C11orf58: variants seen among roughly 807,000 people sequenced by gnomAD.
The protein encoded by C11orf58 is small acidic protein.
Under a neutral mutation model 22.7 loss-of-function variants are expected in C11orf58, and 5 were observed. The observed-to-expected ratio is 0.22, with a 90% CI of 0.12 to 0.46. C11orf58 has a LOEUF of 0.46. C11orf58 is among the 20% of genes least tolerant of loss of function. The pLI, the probability that C11orf58 is intolerant of heterozygous loss-of-function variation, is 0.99. For synonymous variants in C11orf58, 71 were observed against 70.7 expected, an observed-to-expected ratio of 1.00 and a Z score of -0.02; for missense variants, 151 against 223.3, an observed-to-expected ratio of 0.68 and a Z score of 2.06.
intron 1 of C11orf58, among the ~76,000 whole-genome samples, chr11:16,743,297 C>A (rs562788644): frequency 1.3e-5 from 2 of 152,290 alleles, no homozygotes; most frequent in East Asian, 3.9e-4. Flanking sequence ...AAAACACTCA[C>A]ACCTCCTTTT....
intron 1 of C11orf58, 33 bp downstream of exon 1, chr11:16,738,874 A>AG: frequency 6.2e-7 from 1 of 1,613,104 alleles, no homozygotes; most frequent in Middle Eastern, 1.7e-4. Context: ...CTGAGGGTTG[A>AG]GGCCTACTAA....
At chr11:16,739,398 T>C (rs1458216614) in intron 1 of C11orf58, 1 of 154,938 alleles carries the variant, frequency 6.5e-6, no homozygotes, top group Non-Finnish European at 1.4e-5. Context: ...TGGTGAGGTC[T>C]AAGACGTTGA....
At chr11:16,739,094 G>A (rs1299092689) in intron 1 of C11orf58, among the ~76,000 whole-genome samples, 4 of 152,122 alleles carry the variant, frequency 2.6e-5, no homozygotes, top group Non-Finnish European at 5.9e-5. Context: ...AGAGGGTCGA[G>A]GAGTGAAAGA....
intron 4 of C11orf58, 50 bp from the exon 5 acceptor site, chr11:16,754,821 T>G (rs749722453): frequency 6.3e-7 from 1 of 1,594,120 alleles, no homozygotes; most frequent in East Asian, 2.2e-5. Context: ...TCTCAGATTT[T>G]GTATGGGCTA....
chr11:16,748,415 C>A, intron 3 of C11orf58: 1 of 250,832 alleles, frequency 4.0e-6, no homozygotes, highest in Non-Finnish European at 7.6e-6. Flanking sequence ...GGCTACAGAG[C>A]AAGACCTCAT....
chr11:16,748,344 C>T (rs1848503943), intron 3 of C11orf58, 187 bp downstream of exon 3: 6 of 482,978 alleles, frequency 1.2e-5, no homozygotes, highest in Non-Finnish European at 2.2e-5. Context: ...GGGAGGATCA[C>T]TTAAGCCCAG....
intron 1 of C11orf58, among the ~76,000 whole-genome samples, 164 bp downstream of exon 1, chr11:16,739,005 G>A (rs1447712623): frequency 1.3e-5 from 2 of 152,118 alleles, no homozygotes; most frequent in African/African-American, 4.8e-5. Context: ...ATCTTTATGA[G>A]GGTCAGAAGG....
At chr11:16,752,989 G>T in intron 4 of C11orf58, 95 bp downstream of exon 4, 1 of 892,344 alleles carries the variant, frequency 1.1e-6, no homozygotes, top group Non-Finnish European at 1.7e-6. Flanking sequence ...AGAATCCCAT[G>T]TAGAAAGCTT....
In C11orf58 at chr11:16,754,964, A is replaced by G; in HGVS notation, c.412A>G (p.Ser138Gly). 3 of 1,614,154 alleles carry G rather than the reference A, an allele frequency of 1.9e-6. No homozygotes were observed. Among genetic ancestry groups the G allele is most frequent in the Non-Finnish European group, 2.5e-6 (3 of 1,180,014 alleles). ...PDPESPDDSE[S>G]DSESEKEESA... ...TCCTGAAAGTCCAGATGATTCTGAA[A>G]GCGATTCAGAGTCAGAGAAAGAAGA... The change falls in exon 5 of 5, where the codon AGC becomes GGC. Residue 138 changes from serine (S) to glycine (G), a missense_variant. Ser to Gly is a moderately conservative substitution (Grantham distance 56, BLOSUM62 0). Transcript: ENST00000228136.
intron 1 of C11orf58, among the ~76,000 whole-genome samples, chr11:16,740,365 C>G (rs1325860053): frequency 6.6e-6 from 1 of 152,080 alleles, no homozygotes; most frequent in Non-Finnish European, 1.5e-5. Context: ...AGACCTTTCC[C>G]AATCATATAA....
rs1848596264 is a variant in C11orf58 at position 16,758,121 on chromosome 11, T to C, written c.*3017T>C. On this transcript the variant is annotated 3_prime_UTR_variant, in exon 5 of 5. Coordinates refer to ENST00000228136, the MANE Select transcript of C11orf58 (RefSeq NM_014267.6). ...TCACTTCTAACCAACTCCTCCTCCT[T>C]TATACCTGCTCTGTGTTAGGGCGTA... Among the ~76,000 whole-genome samples the C allele has an allele frequency of 1.3e-5, 2 of 152,198 alleles. No individual in the cohort carries two copies. Among genetic ancestry groups the C allele is most frequent in the Admixed American group, 6.5e-5 (1 of 15,274 alleles).
In C11orf58 at chr11:16,755,560, T is replaced by G. The variant is rs1035888206; in HGVS notation, c.*456T>G. ...CTGCCAGTCACAATCTAAATTAATT[T>G]TGGCAAAAGATTGGGTACTTAGTTT... On this transcript the variant is annotated 3_prime_UTR_variant, in exon 5 of 5. Transcript: ENST00000228136. 1.2e-4 allele frequency: 18 copies of G among 154,046 alleles called. No individual in the cohort carries two copies. Among genetic ancestry groups the G allele is most frequent in the Admixed American group, 9.7e-4 (15 of 15,510 alleles). The allele number at this position is 154,046 out of a possible 1,614,324, so 9.5% of individuals were successfully genotyped here. A position where few individuals can be genotyped will look rare whatever the true frequency, so the allele number is the denominator to read the frequency against.
In C11orf58 at chr11:16,744,549, G is replaced by A. The variant is rs373814625; in HGVS notation, c.64-52G>A. ...GAGTTACAGGTAGACTTTAGATTTC[G>A]TAATACTTATTTTTATGCAAAAAAA... On this transcript the variant is annotated intron_variant, in intron 1 of 4. Transcript: ENST00000228136. The A allele has an allele frequency of 4.8e-4, 693 of 1,450,402 alleles. 4 individuals carry two copies. Among genetic ancestry groups the A allele is most frequent in the Admixed American group, 4.9e-4 (29 of 58,796 alleles). 89.8% of individuals were successfully genotyped at this position (1,450,402 alleles called of 1,614,324 possible). A position where few individuals can be genotyped will look rare whatever the true frequency, so the allele number is the denominator to read the frequency against.
Position 16,748,150 on chromosome 11 carries a change from C to A in C11orf58, c.201C>A (p.Phe67Leu). ...GAGATCACAAATCAACATCTCACTTCCGAACCGGTAAGAAAGTAAAGTGTA... is the reference window on the plus strand; with the variant it reads ...GAGATCACAAATCAACATCTCACTTACGAACCGGTAAGAAAGTAAAGTGTA... ...VIGDHKSTSH[F>L]RTGEEDKKIN... Residue 67 changes from phenylalanine to leucine, a missense_variant, in exon 3 of 5, where the codon TTC becomes TTA. By Grantham distance (22) the Phe-to-Leu change is conservative (BLOSUM62 0). This residue lies in a region of C11orf58 where 112 missense variants were observed against 162.6 expected (regional missense o/e 0.69). Coordinates refer to ENST00000228136, the MANE Select transcript of C11orf58 (RefSeq NM_014267.6). The A allele has an allele frequency of 6.2e-7, 1 of 1,611,504 alleles. No individual in the cohort carries two copies. Among genetic ancestry groups the A allele is most frequent in the Admixed American group, 1.7e-5 (1 of 59,998 alleles).
chr11:16,745,831 A>G (rs566991917), intron 2 of C11orf58, among the ~76,000 whole-genome samples: 1 of 152,354 alleles, frequency 6.6e-6, no homozygotes, highest in East Asian at 1.9e-4. Flanking sequence ...CAGACTTCCT[A>G]CAAACTAAAT....
intron 1 of C11orf58, chr11:16,744,314 G>T: frequency 3.1e-6 from 1 of 318,952 alleles, no homozygotes; most frequent in East Asian, 6.5e-5. Context: ...CTCTGGGGCT[G>T]TAGCCCTGCA....
chr11:16,752,675 T>C (rs1197138575), intron 3 of C11orf58, 110 bp from the exon 4 acceptor site: 4 of 589,116 alleles, frequency 6.8e-6, no homozygotes, highest in African/African-American at 3.9e-5. Context: ...CATAGTAAAA[T>C]TAGTCACAAT....
At chr11:16,753,300 TC>T (rs531811152) in intron 4 of C11orf58, among the ~76,000 whole-genome samples, 27 of 152,044 alleles carry the variant, frequency 1.8e-4, no homozygotes, top group African/African-American at 6.0e-4. Flanking sequence ...ACTCCTGACC[TC>T]AGGTGATCCC....
intron 3 of C11orf58, chr11:16,751,639 T>C (rs1208308650): frequency 2.6e-5 from 4 of 152,096 alleles, no homozygotes; most frequent in Non-Finnish European, 4.4e-5. Context: ...CAAGTGAACA[T>C]TGGGATTTTT....
Sources: allele counts gnomAD v4.1 joint callset (sites outside exome capture counted in the v4.1 genomes callset), GRCh38; gene constraint gnomAD v4.1.1; regional missense constraint gnomAD v4.1.1; transcripts MANE v1.5; gene names NCBI Gene and HGNC (gene_info 2026-07-23, HGNC 2026-07-21).